Variants in LDLRAD4 observed in about 807,000 individuals in gnomAD.
LDLRAD4 encodes the protein low density lipoprotein receptor class A domain containing 4, also known as low-density lipoprotein receptor class A domain-containing protein 4.
Under a neutral mutation model 17.0 loss-of-function variants are expected in LDLRAD4, and 5 were observed. That is an observed-to-expected ratio of 0.29 (90% CI 0.15 to 0.62). LDLRAD4 has a LOEUF of 0.62. Among genes scored for constraint, LDLRAD4 ranks in the 20% least tolerant of loss-of-function variants. LDLRAD4 has a pLI of 0.84. For synonymous variants in LDLRAD4, 168 were observed against 171.8 expected, an observed-to-expected ratio of 0.98 and a Z score of 0.17; for missense variants, 340 against 424.7, an observed-to-expected ratio of 0.80 and a Z score of 1.75.
intron 3 of LDLRAD4, among the ~76,000 whole-genome samples, chr18:13,552,432 G>A (rs977347055): frequency 6.6e-6 from 1 of 152,260 alleles, no homozygotes; most frequent in Non-Finnish European, 1.5e-5. Context: ...TGGAAGGACA[G>A]TGCACTATCT....
intron 1 of LDLRAD4, among the ~76,000 whole-genome samples, chr18:13,296,962 G>C (rs2046312961): frequency 6.6e-6 from 1 of 152,200 alleles, no homozygotes; most frequent in African/African-American, 2.4e-5. Context: ...TGGGCAGTCA[G>C]TTCACCTGTC....
chr18:13,409,822 A>G (rs537600439), intron 2 of LDLRAD4, among the ~76,000 whole-genome samples: 6 of 152,352 alleles, frequency 3.9e-5, no homozygotes, highest in South Asian at 2.1e-4. Flanking sequence ...AAATTAGTCA[A>G]TGAGAAAGGA....
intron 4 of LDLRAD4, among the ~76,000 whole-genome samples, chr18:13,630,722 TG>T: frequency 6.6e-6 from 1 of 152,228 alleles, no homozygotes; most frequent in Non-Finnish European, 1.5e-5. Context: ...GCCTTCAATC[TG>T]TATCTTGCCA....
chr18:13,308,789 C>G (rs1369201166), intron 1 of LDLRAD4, among the ~76,000 whole-genome samples: 1 of 152,230 alleles, frequency 6.6e-6, no homozygotes, highest in Non-Finnish European at 1.5e-5. Flanking sequence ...CATGCAGATA[C>G]TGTTTCCAAG....
chr18:13,592,564 T>C (rs765274929), intron 3 of LDLRAD4, among the ~76,000 whole-genome samples: 6 of 152,184 alleles, frequency 3.9e-5, no homozygotes, highest in Non-Finnish European at 7.3e-5. Flanking sequence ...TTATTATTGG[T>C]AGAGTGTATA....
At chr18:13,415,462 G>A (rs905266796) in intron 2 of LDLRAD4, among the ~76,000 whole-genome samples, 2 of 152,260 alleles carry the variant, frequency 1.3e-5, no homozygotes, top group East Asian at 3.9e-4. Context: ...CAAGGCCCCG[G>A]CTACTCTAGG....
intron 3 of LDLRAD4, among the ~76,000 whole-genome samples, chr18:13,503,850 T>C (rs189329527): frequency 6.6e-6 from 1 of 152,222 alleles, no homozygotes. Flanking sequence ...AGACTAGTTA[T>C]GATAGAGTAA....
chr18:13,288,295 A>G (rs916321017), intron 1 of LDLRAD4, among the ~76,000 whole-genome samples: 1 of 152,248 alleles, frequency 6.6e-6, no homozygotes. Context: ...GCCACCTTCC[A>G]TTAGCTTAGC....
At chr18:13,306,493 A>G (rs1449475249) in intron 1 of LDLRAD4, among the ~76,000 whole-genome samples, 1 of 152,188 alleles carries the variant, frequency 6.6e-6, no homozygotes, top group Non-Finnish European at 1.5e-5. Context: ...GAAATGGTCT[A>G]TTTGCCCTCA....
chr18:13,619,592 A>G (rs2040423899), intron 3 of LDLRAD4, among the ~76,000 whole-genome samples: 1 of 151,934 alleles, frequency 6.6e-6, no homozygotes. Flanking sequence ...TAGACACTCA[A>G]ACCCCAAGGC....
At chr18:13,495,942 G>A (rs1012878217) in intron 3 of LDLRAD4, among the ~76,000 whole-genome samples, 5 of 152,222 alleles carry the variant, frequency 3.3e-5, no homozygotes, top group Non-Finnish European at 5.9e-5. Flanking sequence ...TTCTTCCCAC[G>A]GATTTTTCAT....
intron 1 of LDLRAD4, among the ~76,000 whole-genome samples, chr18:13,226,755 A>AAATAG (rs2041829814): frequency 6.7e-6 from 1 of 148,328 alleles, no homozygotes; most frequent in Non-Finnish European, 1.5e-5. Flanking sequence ...AAATAAAATA[A>AAATAG]AATAGAATTA....
chr18:13,500,788 A>ACGAGATCAT (rs1471475686), intron 3 of LDLRAD4: 5 of 152,224 alleles, frequency 3.3e-5, no homozygotes, highest in Admixed American at 6.5e-5. Flanking sequence ...AACCACAGAG[A>ACGAGATCAT]CGAGATCATC....
At chr18:13,296,211 AG>A (rs1436484648) in intron 1 of LDLRAD4, among the ~76,000 whole-genome samples, 2 of 152,266 alleles carry the variant, frequency 1.3e-5, no homozygotes, top group African/African-American at 4.8e-5. Flanking sequence ...GCTTCGCAAG[AG>A]GCGACCGCCA....
intron 3 of LDLRAD4, among the ~76,000 whole-genome samples, chr18:13,610,305 T>TTTTTTTTTTTC (rs1491536129): frequency 0.019 from 470 of 24,356 alleles, 158 homozygotes; most frequent in Non-Finnish European, 0.029. Flanking sequence ...TTTTTTTTTT[T>TTTTTTTTTTTC]GAGACGGAGT....
At chr18:13,219,661 G>T (rs1243630530) in intron 1 of LDLRAD4, among the ~76,000 whole-genome samples, 1 of 152,152 alleles carries the variant, frequency 6.6e-6, no homozygotes, top group Admixed American at 6.5e-5. Context: ...TCAAAAATAG[G>T]GTCCTATGGC....
chr18:13,516,851 G>T (rs995576623), intron 3 of LDLRAD4, among the ~76,000 whole-genome samples: 1 of 152,054 alleles, frequency 6.6e-6, no homozygotes, highest in Non-Finnish European at 1.5e-5. Flanking sequence ...ATTTCATTTT[G>T]TTCCTTTATT....
chr18:13,257,848 T>G (rs981005239), intron 1 of LDLRAD4, among the ~76,000 whole-genome samples: 1 of 152,110 alleles, frequency 6.6e-6, no homozygotes, highest in African/African-American at 2.4e-5. Flanking sequence ...CGTGCCCAGG[T>G]TGAGAAACCT....
At chr18:13,464,705 GA>G (rs2092555746) in intron 3 of LDLRAD4, among the ~76,000 whole-genome samples, 1 of 151,388 alleles carries the variant, frequency 6.6e-6, no homozygotes, top group African/African-American at 2.4e-5. Flanking sequence ...CTTTAGGGCT[GA>G]CAGAGCCTGA....
Sources: gnomAD v4.1 joint callset for allele counts (sites outside exome capture counted in the v4.1 genomes callset) on GRCh38, gnomAD v4.1.1 for gene constraint, MANE v1.5 for transcripts, NCBI Gene and HGNC (gene_info 2026-07-23, HGNC 2026-07-21) for gene names.